Variants in ARHGAP35 observed in about 807,000 individuals in gnomAD.
ARHGAP35 encodes the protein rho GTPase-activating protein 35.
A neutral mutation model predicts 111.1 loss-of-function variants in ARHGAP35; 15 were observed. The observed-to-expected ratio is 0.13, with a 90% CI of 0.09 to 0.21. The LOEUF is 0.21. Ranked by LOEUF, ARHGAP35 falls within the 10% of genes least tolerant of loss-of-function variation. The pLI is 1.00. For synonymous variants in ARHGAP35, 643 were observed against 710.3 expected, an observed-to-expected ratio of 0.91 and a Z score of 1.51; for missense variants, 1,262 against 1,873.0, an observed-to-expected ratio of 0.67 and a Z score of 6.02.
At chr19:46,906,306 C>A (rs2056107490) in intron 1 of ARHGAP35, among the ~76,000 whole-genome samples, 1 of 152,142 alleles carries the variant, frequency 6.6e-6, no homozygotes, top group Non-Finnish European at 1.5e-5. Context: ...GAGACCCTGT[C>A]TCATAAAAAT....
intron 3 of ARHGAP35, among the ~76,000 whole-genome samples, chr19:46,985,887 T>G (rs2056646961): frequency 2.2e-3 from 1 of 458 alleles, no homozygotes; most frequent in African/African-American, 0.01. Flanking sequence ...CCTCAAGAAG[T>G]CTGGGACCCC....
chr19:46,884,247 G>A (rs1359105577), intron 1 of ARHGAP35, among the ~76,000 whole-genome samples: 1 of 152,058 alleles, frequency 6.6e-6, no homozygotes, highest in Non-Finnish European at 1.5e-5. Flanking sequence ...GGAGTTGGAG[G>A]CTACAGTAAG....
In ARHGAP35 at chr19:47,000,203, C is replaced by G; in HGVS notation, c.4143-128C>G. The stretch of plus-strand genomic sequence containing the variant: ...AGGCAGGGCAGGGTACAGAGAGCTG[C>G]GCATGGCCTTTTCTGCTCCACCTGA... On this transcript the variant is annotated intron_variant, in intron 6 of 6. Transcript: ENST00000672722. This position sits in a 1 kb window ranked among gnomAD's most constrained non-coding sequence, Gnocchi z 6.9. 1 of 985,316 alleles carries G rather than the reference C, an allele frequency of 1.0e-6. No homozygotes were observed. Among genetic ancestry groups the G allele is most frequent in the African/African-American group, 1.6e-5 (1 of 61,618 alleles). 61.0% of individuals were successfully genotyped at this position (985,316 alleles called of 1,614,324 possible).
intron 5 of ARHGAP35, among the ~76,000 whole-genome samples, chr19:46,991,715 G>A (rs1009666367): frequency 2.0e-5 from 3 of 152,222 alleles, no homozygotes; most frequent in Non-Finnish European, 4.4e-5. Flanking sequence ...GCTGGGCTGT[G>A]GATGTTGCAG....
intron 3 of ARHGAP35, chr19:46,948,019 TG>T (rs1315580692): frequency 6.6e-6 from 1 of 152,266 alleles, no homozygotes; most frequent in African/African-American, 2.4e-5. Flanking sequence ...GGAAGCTCTC[TG>T]AACCCTGTCC....
At chr19:46,974,444 A>T (rs565511875) in intron 3 of ARHGAP35, among the ~76,000 whole-genome samples, 1 of 152,302 alleles carries the variant, frequency 6.6e-6, no homozygotes, top group East Asian at 1.9e-4. Context: ...ACAGAATTCA[A>T]GAAAACGCTT....
intron 2 of ARHGAP35, among the ~76,000 whole-genome samples, chr19:46,928,101 A>T (rs1157965744): frequency 6.6e-6 from 1 of 152,180 alleles, no homozygotes; most frequent in Non-Finnish European, 1.5e-5. Flanking sequence ...AACTTTGAGA[A>T]ATTGTTTCTC....
At chr19:46,957,152 G>C (rs933175563) in intron 3 of ARHGAP35, among the ~76,000 whole-genome samples, 1 of 151,690 alleles carries the variant, frequency 6.6e-6, no homozygotes, top group Admixed American at 6.6e-5. Flanking sequence ...TAATAGAGAC[G>C]GGGTTTCACC....
At position 46,945,984 on chromosome 19, in the gene ARHGAP35, G is replaced by C. The variant is rs113721661; in HGVS notation, c.3826+8576G>C. ...CGAGAAGAGGAATTGTGCCTAGGGA[G>C]AAACAGTTTTACTGGGGCAGAAGGC... is the stretch of plus-strand genomic sequence containing the variant. On this transcript the variant is annotated intron_variant, in intron 3 of 6. Coordinates refer to ENST00000672722, the MANE Select transcript of ARHGAP35 (RefSeq NM_004491.5). This position sits in a 1 kb window ranked among gnomAD's most constrained non-coding sequence, Gnocchi z 4.1. 2.4e-4 allele frequency among the ~76,000 whole-genome samples: 37 copies of C among 152,328 alleles called. No homozygotes were observed. Among genetic ancestry groups the C allele is most frequent in the African/African-American group, 8.7e-4 (36 of 41,572 alleles).
At chr19:46,968,348 C>T (rs909674731) in intron 3 of ARHGAP35, among the ~76,000 whole-genome samples, 3 of 152,126 alleles carry the variant, frequency 2.0e-5, no homozygotes, top group Non-Finnish European at 2.9e-5. Flanking sequence ...AATAAATGGG[C>T]TTGGACAGAA....
chr19:46,977,598 T>A (rs1329007901), intron 3 of ARHGAP35, among the ~76,000 whole-genome samples: 1 of 152,216 alleles, frequency 6.6e-6, no homozygotes, highest in East Asian at 1.9e-4. Context: ...GGACTCTGCC[T>A]GCTCCTGTGA....
At chr19:46,898,196 C>G (rs556454181) in intron 1 of ARHGAP35, among the ~76,000 whole-genome samples, 29 of 150,916 alleles carry the variant, frequency 1.9e-4, no homozygotes, top group East Asian at 1.8e-3. Flanking sequence ...GAGCCGAGAT[C>G]GCGCCACTGC....
At chr19:46,944,293 T>C (rs1162894848) in intron 3 of ARHGAP35, among the ~76,000 whole-genome samples, 2 of 146,948 alleles carry the variant, frequency 1.4e-5, no homozygotes, top group Admixed American at 1.4e-4. Flanking sequence ...AGTAAGACCC[T>C]GTCTCAAAAA....
At chr19:46,906,180 C>T (rs1389125480) in intron 1 of ARHGAP35, among the ~76,000 whole-genome samples, 2 of 151,772 alleles carry the variant, frequency 1.3e-5, no homozygotes, top group South Asian at 2.1e-4. Context: ...AAAAATTAGG[C>T]GGGCATGGTG....
At position 46,999,426 on chromosome 19, in the gene ARHGAP35, T is replaced by C. The variant is rs1280264504; in HGVS notation, c.4142+17T>C. 6.5e-7 allele frequency: 1 copy of C among 1,529,724 alleles called. No homozygotes were observed. Among genetic ancestry groups the C allele is most frequent in the South Asian group, 1.2e-5 (1 of 83,914 alleles). 94.8% of individuals were successfully genotyped at this position (1,529,724 alleles called of 1,614,324 possible). ...CCTAAACAAGTAAGTCGCAGGGCCTTCTGGTTGGTTTTTCCTCCTGAAAAT... is the reference window on the plus strand; with the variant it reads ...CCTAAACAAGTAAGTCGCAGGGCCTCCTGGTTGGTTTTTCCTCCTGAAAAT... On this transcript the variant is annotated intron_variant, in intron 6 of 6. Transcript: ENST00000672722. This position sits in a 1 kb window ranked among gnomAD's most constrained non-coding sequence, Gnocchi z 5.4.
chr19:46,885,106 C>T (rs2055987292), intron 1 of ARHGAP35, among the ~76,000 whole-genome samples: 1 of 152,238 alleles, frequency 6.6e-6, no homozygotes. Context: ...ATCCATAGGA[C>T]ATAATTGGAA....
chr19:46,973,054 C>G (rs1195230157), intron 3 of ARHGAP35, among the ~76,000 whole-genome samples: 1 of 152,132 alleles, frequency 6.6e-6, no homozygotes. Flanking sequence ...TGTACATTTT[C>G]TTTTCTTTTT....
intron 3 of ARHGAP35, among the ~76,000 whole-genome samples, chr19:46,979,038 TGTG>T (rs1413237422): frequency 2.6e-3 from 130 of 50,610 alleles, no homozygotes; most frequent in African/African-American, 9.9e-3. Flanking sequence ...TGTGGGGGGG[TGTG>T]GTGTGTGGTG....
chr19:46,928,166 G>T (rs2056249312), intron 2 of ARHGAP35, among the ~76,000 whole-genome samples: 2 of 152,118 alleles, frequency 1.3e-5, no homozygotes, highest in African/African-American at 4.8e-5. Context: ...TCTGTAGTGT[G>T]TTTTTGGTGA....
Sources: allele counts gnomAD v4.1 joint callset (sites outside exome capture counted in the v4.1 genomes callset), GRCh38; gene constraint gnomAD v4.1.1; non-coding constraint Gnocchi (gnomAD v3.1); transcripts MANE v1.5; gene names NCBI Gene and HGNC (gene_info 2026-07-23, HGNC 2026-07-21).